Variants in ANO2 observed in about 807,000 individuals in gnomAD.
ANO2 encodes the protein anoctamin 2, also known as anoctamin-2.
A neutral mutation model predicts 124.2 loss-of-function variants in ANO2; 101 were observed. The ratio of observed to expected loss-of-function variants is 0.81; its 90% confidence interval spans 0.69 to 0.96. ANO2 has a LOEUF of 0.96. Ranked by LOEUF, ANO2 falls within the 40% of genes least tolerant of loss-of-function variation. The probability of loss-of-function intolerance (pLI) is 0.00; values close to 1 mark genes in which losing one functional copy is unlikely to be tolerated. For missense variants in ANO2, 1,293 were observed against 1,274.5 expected, an observed-to-expected ratio of 1.01 and a Z score of -0.22; for synonymous variants, 486 against 482.5, an observed-to-expected ratio of 1.01 and a Z score of -0.09.
chr12:5,754,846 C>T (rs762753791), intron 10 of ANO2, among the ~76,000 whole-genome samples: 24 of 152,024 alleles, frequency 1.6e-4, no homozygotes, highest in Non-Finnish European at 2.1e-4. Context: ...ACTAAGGATT[C>T]GTCAACAAAC....
intron 14 of ANO2, among the ~76,000 whole-genome samples, chr12:5,689,000 G>C (rs1192862544): frequency 2.6e-5 from 4 of 152,036 alleles, no homozygotes; most frequent in African/African-American, 4.8e-5. Flanking sequence ...GGAAAGAGAA[G>C]GTGAAAGCCA....
At chr12:5,595,215 T>A (rs1170562732) in intron 20 of ANO2, among the ~76,000 whole-genome samples, 1 of 152,208 alleles carries the variant, frequency 6.6e-6, no homozygotes, top group South Asian at 2.1e-4. Flanking sequence ...TTGTTTTTTT[T>A]AGAGATGGGG....
At chr12:5,709,970 C>T (rs1301372084) in intron 14 of ANO2, among the ~76,000 whole-genome samples, 1 of 152,152 alleles carries the variant, frequency 6.6e-6, no homozygotes, top group East Asian at 1.9e-4. Context: ...GCCTTGAACA[C>T]GCTTTGGGTG....
At chr12:5,744,036 C>G in intron 12 of ANO2, 121 bp downstream of exon 12, 2 of 1,205,586 alleles carry the variant, frequency 1.7e-6, no homozygotes, top group African/African-American at 3.1e-5. Flanking sequence ...TAAAATACTT[C>G]TTGTGATGGG....
chr12:5,566,411 C>T (rs866322805), intron 23 of ANO2, among the ~76,000 whole-genome samples: 5 of 152,316 alleles, frequency 3.3e-5, no homozygotes, highest in Middle Eastern at 6.8e-3. Flanking sequence ...TTTTCACCCC[C>T]ATCCCAGAAT....
chr12:5,697,407 G>A (rs1481551517), intron 14 of ANO2, among the ~76,000 whole-genome samples: 3 of 151,924 alleles, frequency 2.0e-5, no homozygotes, highest in Non-Finnish European at 4.4e-5. Flanking sequence ...ACTCCAGCCT[G>A]GGCAACAGAG....
At chr12:5,874,361 T>C (rs562629863) in intron 3 of ANO2, among the ~76,000 whole-genome samples, 17 of 152,258 alleles carry the variant, frequency 1.1e-4, no homozygotes. Context: ...GGAAGTCACG[T>C]CCCTTCCTCT....
intron 1 of ANO2, among the ~76,000 whole-genome samples, chr12:5,931,106 C>T (rs1471512721): frequency 6.6e-6 from 1 of 152,188 alleles, no homozygotes; most frequent in East Asian, 1.9e-4. Context: ...GAAACAATCT[C>T]ACCAAGTTAG....
chr12:5,732,795 CTAACA>C (rs1950696716), intron 13 of ANO2, 165 bp from the exon 14 acceptor site: 6 of 1,602,174 alleles, frequency 3.7e-6, no homozygotes, highest in Admixed American at 1.7e-5. Context: ...ACATCACATC[CTAACA>C]TAAGAACACA....
chr12:5,761,391 G>A (rs1489491523), intron 10 of ANO2, among the ~76,000 whole-genome samples: 1 of 152,076 alleles, frequency 6.6e-6, no homozygotes, highest in Non-Finnish European at 1.5e-5. Context: ...TACTTAGCAA[G>A]GGCAAATGGC....
chr12:5,809,574 G>A (rs1380316476), intron 7 of ANO2, among the ~76,000 whole-genome samples: 1 of 152,178 alleles, frequency 6.6e-6, no homozygotes, highest in Non-Finnish European at 1.5e-5. Flanking sequence ...CCGAGTGTCT[G>A]GAAGCATCAG....
At chr12:5,704,723 A>G (rs982059356) in intron 14 of ANO2, among the ~76,000 whole-genome samples, 1 of 122,458 alleles carries the variant, frequency 8.2e-6, no homozygotes, top group Admixed American at 8.0e-5. Context: ...GTGTGTGTGT[A>G]TCCAAAACAC....
chr12:5,633,060 G>T (rs927465923), intron 16 of ANO2, among the ~76,000 whole-genome samples: 1 of 152,172 alleles, frequency 6.6e-6, no homozygotes, highest in African/African-American at 2.4e-5. Context: ...TCTACTCCTG[G>T]TGTTTCCTCC....
chr12:5,603,612 T>C (rs1166990737), intron 19 of ANO2, among the ~76,000 whole-genome samples: 1 of 152,138 alleles, frequency 6.6e-6, no homozygotes, highest in Non-Finnish European at 1.5e-5. Flanking sequence ...TAGAAAGGAC[T>C]GAAGGGAATT....
intron 7 of ANO2, among the ~76,000 whole-genome samples, chr12:5,825,951 C>A (rs1021568017): frequency 2.0e-5 from 3 of 152,184 alleles, no homozygotes; most frequent in Non-Finnish European, 2.9e-5. Context: ...AGGTAGTCAT[C>A]AACACCAGCT....
At chr12:5,923,474 G>A (rs1591799665) in intron 1 of ANO2, among the ~76,000 whole-genome samples, 1 of 152,178 alleles carries the variant, frequency 6.6e-6, no homozygotes, top group African/African-American at 2.4e-5. Context: ...GCACCAGCTG[G>A]CACCCTGGCC....
At chr12:5,800,666 T>C (rs1474339855) in intron 9 of ANO2, among the ~76,000 whole-genome samples, 1 of 152,202 alleles carries the variant, frequency 6.6e-6, no homozygotes, top group Non-Finnish European at 1.5e-5. Context: ...TGAGTCATGG[T>C]GATGCCTTTT....
chr12:5,612,584 C>A, intron 19 of ANO2, 72 bp downstream of exon 19: 1 of 1,293,300 alleles, frequency 7.7e-7, no homozygotes, highest in Non-Finnish European at 1.1e-6. Flanking sequence ...CATAGAAAAC[C>A]TGCTGAAAGG....
In ANO2 at chr12:5,567,884, A is replaced by G. The variant is rs141766743; in HGVS notation, c.2622-2221T>C. Among the ~76,000 whole-genome samples, 460 of 152,380 alleles carry G rather than the reference A, an allele frequency of 3.0e-3. 2 individuals are homozygous for G. The highest frequency in any genetic ancestry group is 0.011 in the African/African-American group (444 of 41,586). On this transcript the variant is annotated intron_variant, in intron 23 of 24. Transcript: ENST00000682330. ...AGCTCGATGCAGATAGGCTAAGTGT[A>G]GCTCCGTTAGGAACTGATGGTAAGC... is the stretch of plus-strand genomic sequence containing the variant.
Sources: allele counts gnomAD v4.1 joint callset (sites outside exome capture counted in the v4.1 genomes callset), GRCh38; gene constraint gnomAD v4.1.1; transcripts MANE v1.5; gene names NCBI Gene and HGNC (gene_info 2026-07-23, HGNC 2026-07-21).